The following KLF13 variants were observed in gnomAD, a reference collection of about 807,000 sequenced individuals.
The protein encoded by KLF13 is KLF transcription factor 13, also known as Krueppel-like factor 13.
In KLF13, 8 loss-of-function variants were observed where a neutral mutation model predicts 16.7. The observed-to-expected ratio is 0.48, with a 90% CI of 0.28 to 0.87. The LOEUF (loss-of-function observed/expected upper bound fraction) is 0.87. KLF13 is among the 40% of genes least tolerant of loss of function. The pLI is 0.10. For missense variants in KLF13, 447 were observed against 452.2 expected (o/e 0.99, Z 0.10); for synonymous variants, 245 against 208.4 (o/e 1.18, Z -1.51).
upstream of KLF13, among the ~76,000 whole-genome samples, chr15:31,389,673 G>T (rs772461248): frequency 1.3e-5 from 2 of 152,058 alleles, no homozygotes; most frequent in African/African-American, 2.4e-5. Flanking sequence ...CTCTCTCTAG[G>T]TCCCACAACA....
chr15:31,387,389 T>C (rs1180687002), intron 1 of KLF13, among the ~76,000 whole-genome samples: 1 of 152,228 alleles, frequency 6.6e-6, no homozygotes, highest in African/African-American at 2.4e-5. Flanking sequence ...AAGGCTTAGA[T>C]GATTGTTAGC....
At chr15:31,397,217 AGGGTGGGGCGGGGTGGGGTG>A (rs1379261108) in intron 2 of KLF13, among the ~76,000 whole-genome samples, 37 of 7,266 alleles carry the variant, frequency 5.1e-3, no homozygotes, top group African/African-American at 0.035. Context: ...GTCCAGGTTC[AGGGTGGGGCGGGGTGGGGTG>A]GGGTGGGGCG....
upstream of KLF13, among the ~76,000 whole-genome samples, chr15:31,392,414 C>T (rs919067329): frequency 9.9e-5 from 15 of 152,184 alleles, no homozygotes; most frequent in African/African-American, 3.1e-4. Flanking sequence ...GGTGCTGAGC[C>T]TCGAGCCGCC....
At chr15:31,388,782 A>C (rs551845265), upstream of KLF13, among the ~76,000 whole-genome samples, 2,352 of 150,552 alleles carry the variant, frequency 0.016, 20 homozygotes, top group Non-Finnish European at 0.026. Context: ...AAAAAAAAAA[A>C]AAAACTAATG....
chr15:31,417,359 A>G (rs924326679), intron 1 of KLF13, among the ~76,000 whole-genome samples: 6 of 151,690 alleles, frequency 4.0e-5, no homozygotes, highest in Admixed American at 2.6e-4. Context: ...GCCAGGCATC[A>G]TGGTGTGCGC....
chr15:31,417,311 A>G (rs2141005559), intron 1 of KLF13, among the ~76,000 whole-genome samples: 2 of 152,162 alleles, frequency 1.3e-5, no homozygotes, highest in Non-Finnish European at 2.9e-5. Flanking sequence ...CCTGGCCAAC[A>G]TGGTGAAACC....
chr15:31,369,289 T>C (rs924216080), intron 1 of KLF13, among the ~76,000 whole-genome samples: 3 of 152,248 alleles, frequency 2.0e-5, no homozygotes, highest in Non-Finnish European at 4.4e-5. Flanking sequence ...TGACAACTAG[T>C]GCTAAGGTTA....
intron 1 of KLF13, among the ~76,000 whole-genome samples, chr15:31,368,912 GC>G: frequency 6.6e-6 from 1 of 152,172 alleles, no homozygotes; most frequent in East Asian, 1.9e-4. Flanking sequence ...CACCAGTCCA[GC>G]CCCACTCCCT....
At chr15:31,363,653 A>C (rs1308985894) in intron 1 of KLF13, among the ~76,000 whole-genome samples, 1 of 151,386 alleles carries the variant, frequency 6.6e-6, no homozygotes, top group Non-Finnish European at 1.5e-5. Flanking sequence ...CGCCCGGCTG[A>C]TTTTGTATTT....
chr15:31,397,882 G>GGGTGGGGGCGGGGGGGT (rs2039976853), intron 2 of KLF13, among the ~76,000 whole-genome samples: 1 of 149,640 alleles, frequency 6.7e-6, no homozygotes, highest in Non-Finnish European at 1.5e-5. Context: ...GGCGGGGGGG[G>GGGTGGGGGCGGGGGGGT]TGGTGATCCA....
intron 2 of KLF13, among the ~76,000 whole-genome samples, chr15:31,396,062 G>A (rs1206846664): frequency 6.6e-6 from 1 of 152,106 alleles, no homozygotes; most frequent in Non-Finnish European, 1.5e-5. Flanking sequence ...TTTCGCTCTT[G>A]TTTCCCATGC....
At chr15:31,330,537 A>G (rs1360417368) in intron 1 of KLF13, among the ~76,000 whole-genome samples, 1 of 152,184 alleles carries the variant, frequency 6.6e-6, no homozygotes, top group East Asian at 1.9e-4. Flanking sequence ...AAGTATGTGA[A>G]GACCCTTTGA....
At chr15:31,389,089 C>A (rs1020892752), upstream of KLF13, among the ~76,000 whole-genome samples, 1 of 152,122 alleles carries the variant, frequency 6.6e-6, no homozygotes, top group Middle Eastern at 3.2e-3. Flanking sequence ...CCTCTGCCAC[C>A]CCTGAGACAG....
At chr15:31,364,951 G>T (rs1339366800) in intron 1 of KLF13, among the ~76,000 whole-genome samples, 3 of 152,236 alleles carry the variant, frequency 2.0e-5, no homozygotes, top group Non-Finnish European at 4.4e-5. Flanking sequence ...TACCCCTGAG[G>T]CTGTATGCCT....
rs545874937 is a variant in KLF13 at position 31,377,841 on chromosome 15, G to T, written c.*5542G>T. The T allele has an allele frequency of 6.6e-6, 1 of 152,566 alleles. No individual in the cohort carries two copies. Among genetic ancestry groups the T allele is most frequent in the African/African-American group, 2.4e-5 (1 of 41,420 alleles). The allele number at this position is 152,566 out of a possible 1,614,324, so 9.5% of individuals were successfully genotyped here. A position where few individuals can be genotyped will look rare whatever the true frequency, so the allele number is the denominator to read the frequency against. ...AAATTGTAAATTTTATTGTTTTAAC[G>T]TGTATGCATGTTTAGTGACGTTTAC... On this transcript the variant is annotated 3_prime_UTR_variant, in exon 2 of 2. Coordinates refer to ENST00000307145, the MANE Select transcript of KLF13 (RefSeq NM_015995.4).
intron 1 of KLF13, among the ~76,000 whole-genome samples, chr15:31,328,174 C>T (rs903386302): frequency 6.6e-4 from 99 of 150,136 alleles, no homozygotes; most frequent in Non-Finnish European, 1.2e-3. Context: ...CGGTGGGGCG[C>T]CCGGAGCGGG....
intron 1 of KLF13, among the ~76,000 whole-genome samples, chr15:31,387,439 A>G (rs1340243761): frequency 6.6e-6 from 1 of 152,158 alleles, no homozygotes; most frequent in Non-Finnish European, 1.5e-5. Flanking sequence ...TAAGGTATGT[A>G]CATTATTTTT....
intron 1 of KLF13, among the ~76,000 whole-genome samples, chr15:31,330,571 T>C (rs532104887): frequency 1.3e-5 from 2 of 152,312 alleles, no homozygotes; most frequent in East Asian, 3.9e-4. Flanking sequence ...CAGCCTTGAC[T>C]CTGGAGGCAC....
chr15:31,395,382 A>AGCTGCTATGAATGCT (rs2039940669), intron 2 of KLF13, among the ~76,000 whole-genome samples: 1 of 152,156 alleles, frequency 6.6e-6, no homozygotes, highest in African/African-American at 2.4e-5. Flanking sequence ...TCTACTCCTT[A>AGCTGCTATGAATGCT]GCTGCTATGA....
Sources: allele counts gnomAD v4.1 joint callset (sites outside exome capture counted in the v4.1 genomes callset), GRCh38; gene constraint gnomAD v4.1.1; transcripts MANE v1.5; gene names NCBI Gene and HGNC (gene_info 2026-07-23, HGNC 2026-07-21).